FAT1: variants seen among roughly 807,000 people sequenced by gnomAD.
The protein encoded by FAT1 is protocadherin Fat 1.
In FAT1, 171 loss-of-function variants were observed where a neutral mutation model predicts 329.8. The observed-to-expected ratio is 0.52, with a 90% CI of 0.46 to 0.59. The LOEUF (loss-of-function observed/expected upper bound fraction) is 0.59, where lower values mean the gene tolerates loss of function less well. Among genes scored for constraint, FAT1 ranks in the 20% least tolerant of loss-of-function variants. FAT1 has a pLI of 0.00. For missense variants in FAT1, 5,672 were observed against 5,774.4 expected (o/e 0.98, Z 0.57); for synonymous variants, 2,233 against 2,228.6 (o/e 1.00, Z -0.06).
chr4:186,639,914 G>T, intron 3 of FAT1, 131 bp from the exon 4 acceptor site: 1 of 691,784 alleles, frequency 1.4e-6, no homozygotes, highest in Non-Finnish European at 2.4e-6. Context: ...GGCCCAGGGG[G>T]GTGGATTACT....
intron 3 of FAT1, among the ~76,000 whole-genome samples, chr4:186,641,378 C>T (rs998855239): frequency 6.6e-6 from 1 of 152,132 alleles, no homozygotes; most frequent in African/African-American, 2.4e-5. Context: ...TAGTCAAAAA[C>T]CTTTTAAGTT....
rs754291065 is a variant in FAT1 at position 186,706,830 on chromosome 4, T to A, written c.2998A>T (p.Thr1000Ser). The A allele has an allele frequency of 6.2e-7, 1 of 1,610,996 alleles. No homozygotes were observed. The highest frequency in any genetic ancestry group is 8.5e-7 in the Non-Finnish European group (1 of 1,177,300). ...DFEKKQVYNL[T>S]VRAKDKGKPV... The stretch of plus-strand genomic sequence containing the variant: ...TTTCCCTTGTCTTTGGCCCTCACAG[T>A]GAGATTATACACTTGCTTCTTCTCA... Residue 1000 changes from threonine (T) to serine (S), a missense_variant, in exon 2 of 27, where the codon ACT becomes TCT. Thr to Ser is a moderately conservative substitution (Grantham distance 58). Transcript: ENST00000441802.
intron 2 of FAT1, among the ~76,000 whole-genome samples, chr4:186,676,058 T>C (rs1742944296): frequency 6.6e-6 from 1 of 151,968 alleles, no homozygotes; most frequent in South Asian, 2.1e-4. Context: ...AACTTATTCC[T>C]TGGACCAGCA....
chr4:186,695,797 ACACAC>A, intron 2 of FAT1, among the ~76,000 whole-genome samples: 1 of 151,092 alleles, frequency 6.6e-6, no homozygotes, highest in Middle Eastern at 3.4e-3. Flanking sequence ...ACACACACAC[ACACAC>A]ATTTTTGAGA....
chr4:186,609,156 C>A (rs1739275070), intron 16 of FAT1, 27 bp downstream of exon 16: 2 of 1,606,582 alleles, frequency 1.2e-6, no homozygotes, highest in African/African-American at 2.7e-5. Flanking sequence ...GATTTGTAAA[C>A]AACGTAAATC....
At chr4:186,636,550 A>C in intron 5 of FAT1, 35 bp downstream of exon 5, 1 of 1,532,176 alleles carries the variant, frequency 6.5e-7, no homozygotes, top group Non-Finnish European at 8.8e-7. Flanking sequence ...TAGTCACAAC[A>C]TATGAAAAAT....
rs2126524138 is a variant in FAT1, at chr4:186,621,315, A to G, written c.5271T>C (p.Asp1757=). 6.2e-7 allele frequency: 1 copy of G among 1,614,028 alleles called. No homozygotes were observed. The highest frequency in any genetic ancestry group is 8.5e-7 in the Non-Finnish European group (1 of 1,179,880). Residue 1757 remains aspartate, a synonymous_variant, in exon 10 of 27, where the codon GAT becomes GAC. Transcript: ENST00000441802. ...TAAAAACTGGCGCGTTGTCATTCTCATCCTGCAAGTGAACTAGAACCGTTG... is the reference window on the plus strand; with the variant it reads ...TAAAAACTGGCGCGTTGTCATTCTCGTCCTGCAAGTGAACTAGAACCGTTG... The part of the protein sequence containing the change: ...TNTTVLVHLQ[D]ENDNAPVFMQ...
intron 3 of FAT1, among the ~76,000 whole-genome samples, chr4:186,641,627 T>C (rs907242430): frequency 1.4e-4 from 21 of 152,164 alleles, no homozygotes; most frequent in East Asian, 3.9e-4. Flanking sequence ...CAAATACTTA[T>C]GAGCAAATAC....
chr4:186,594,240 T>A (rs1021110327), intron 26 of FAT1, among the ~76,000 whole-genome samples: 4 of 152,000 alleles, frequency 2.6e-5, no homozygotes, highest in Admixed American at 2.0e-4. Flanking sequence ...TGATTTTTTT[T>A]ATATTTTTAG....
chr4:186,706,434 T>TCA (rs1744598560), intron 2 of FAT1, 129 bp downstream of exon 2: 1 of 965,234 alleles, frequency 1.0e-6, no homozygotes, highest in Non-Finnish European at 1.5e-6. Context: ...AAAAAAATAT[T>TCA]CACACGCACT....
rs748950954 is a variant in FAT1 at position 186,618,409 on chromosome 4, C to T, written c.8177G>A (p.Arg2726Gln). The change falls in exon 10 of 27, where the codon CGA (arginine) becomes CAA (glutamine). Residue 2726 changes from arginine (R) to glutamine (Q), a missense_variant. Physicochemically the swap from Arg to Gln is conservative, Grantham distance 43. Coordinates refer to ENST00000441802, the MANE Select transcript of FAT1 (RefSeq NM_005245.4). ...AAGAACAGTCCCACTATGTTCTGCT[C>T]GGATGAGATCTATCTCTGTTCCAAT... ...VPIGTEIDLI[R>Q]AEHSGTVLYS... 9.3e-6 allele frequency: 15 copies of T among 1,613,990 alleles called. No individual in the cohort carries two copies. Among genetic ancestry groups the T allele is most frequent in the Non-Finnish European group, 1.2e-5 (14 of 1,179,900 alleles).
In FAT1 at chr4:186,597,957, G is replaced by T. The variant is rs1383985048; in HGVS notation, c.12257+15C>A. ...TACTACAATTGATTATGAAAGTTAA[G>T]AAAAATACACATACCTCTGACCAGT... On this transcript the variant is annotated intron_variant, in intron 23 of 26. Transcript: ENST00000441802. 1 of 1,590,236 alleles carries T rather than the reference G, an allele frequency of 6.3e-7. No homozygotes were observed. The highest frequency in any genetic ancestry group is 1.8e-5 in the Admixed American group (1 of 54,494).
intron 6 of FAT1, 51 bp from the exon 7 acceptor site, chr4:186,633,874 G>A: frequency 6.3e-7 from 1 of 1,597,616 alleles, no homozygotes; most frequent in Non-Finnish European, 8.6e-7. Context: ...ACACTCTGTA[G>A]TTTATTCTGT....
Position 186,611,587 on chromosome 4 carries a change from C to A in FAT1, c.9652G>T (p.Val3218Leu), listed in dbSNP as rs1388615666. ...RRLTATGTVI[V>L]SVLDINDNPP... Reference sequence around the variant, plus strand: ...TTGTCATTTATGTCAAGAACTGATACAATCACAGTGCCAGTGGCAGTCAGC... The same window carrying A: ...TTGTCATTTATGTCAAGAACTGATAAAATCACAGTGCCAGTGGCAGTCAGC... The change falls in exon 14 of 27, where the codon GTA becomes TTA. Residue 3218 changes from valine to leucine, a missense_variant. This residue lies in a region of FAT1 where 1,706 missense variants were observed against 1,859.1 expected (regional missense o/e 0.92). Coordinates refer to ENST00000441802, the MANE Select transcript of FAT1 (RefSeq NM_005245.4). 1 of 1,613,800 alleles carries A rather than the reference C, an allele frequency of 6.2e-7. No homozygotes were observed.
At chr4:186,669,808 G>A (rs992550638) in intron 2 of FAT1, among the ~76,000 whole-genome samples, 11 of 152,148 alleles carry the variant, frequency 7.2e-5, no homozygotes, top group Non-Finnish European at 8.8e-5. Context: ...GGATACTGAC[G>A]TTGTCTTTCC....
intron 2 of FAT1, among the ~76,000 whole-genome samples, chr4:186,666,785 A>T (rs1324178321): frequency 6.6e-6 from 1 of 152,160 alleles, no homozygotes; most frequent in Non-Finnish European, 1.5e-5. Context: ...TTTACATCCA[A>T]CCTGCCTAGA....
Position 186,611,791 on chromosome 4 carries a change from A to T in FAT1, c.9464-16T>A. On this transcript the variant is annotated splice_polypyrimidine_tract_variant and intron_variant, in intron 13 of 26. Coordinates refer to ENST00000441802, the MANE Select transcript of FAT1 (RefSeq NM_005245.4). ...CGATTTAATCCTATGAAGACATAAA[A>T]ACATGTCAAAAGATTTTAAATAAAA... The T allele has an allele frequency of 6.6e-7, 1 of 1,519,600 alleles. No homozygotes were observed. Among genetic ancestry groups the T allele is most frequent in the Non-Finnish European group, 8.8e-7 (1 of 1,136,350 alleles). 94.1% of individuals were successfully genotyped at this position (1,519,600 alleles called of 1,614,324 possible).
chr4:186,723,822 C>T lies in FAT1; in HGVS notation c.-177G>A, dbSNP rs1020524701. 6.6e-6 allele frequency: 1 copy of T among 150,626 alleles called. No homozygotes were observed. The allele number at this position is 150,626 out of a possible 1,614,324, so 9.3% of individuals were successfully genotyped here. A position where few individuals can be genotyped will look rare whatever the true frequency, so the allele number is the denominator to read the frequency against. The stretch of plus-strand genomic sequence containing the variant: ...CCGCTCCCGCGCCCTCTCCCCGCGC[C>T]CGGCCGCCCAGCTCGGCGCCGGCGC... On this transcript the variant is annotated 5_prime_UTR_variant, in exon 1 of 27. Coordinates refer to ENST00000441802, the MANE Select transcript of FAT1 (RefSeq NM_005245.4).
chr4:186,680,538 T>G (rs1027733357), intron 2 of FAT1, among the ~76,000 whole-genome samples: 5 of 152,236 alleles, frequency 3.3e-5, no homozygotes, highest in Middle Eastern at 3.4e-3. Context: ...CAAAGGCACA[T>G]GTGGTGGGCA....
Sources: gnomAD v4.1 joint callset for allele counts (sites outside exome capture counted in the v4.1 genomes callset) on GRCh38, gnomAD v4.1.1 for gene constraint, gnomAD v4.1.1 regional missense constraint, MANE v1.5 for transcripts, NCBI Gene and HGNC (gene_info 2026-07-23, HGNC 2026-07-21) for gene names.